The following DDC variants were observed in gnomAD, a reference collection of about 807,000 sequenced individuals.
DDC encodes dopa decarboxylase.
DDC carries 43 observed loss-of-function variants against 60.0 expected under a neutral mutation model. That is an observed-to-expected ratio of 0.72 (90% CI 0.56 to 0.92). The LOEUF is 0.92. DDC is among the 40% of genes least tolerant of loss of function. The pLI, the probability that DDC is intolerant of heterozygous loss-of-function variation, is 0.00. For missense variants in DDC, 573 were observed against 620.2 expected, an observed-to-expected ratio of 0.92 and a Z score of 0.81; for synonymous variants, 232 against 234.6, an observed-to-expected ratio of 0.99 and a Z score of 0.10.
At chr7:50,485,010 C>T (rs2042852099) in intron 9 of DDC, among the ~76,000 whole-genome samples, 1 of 152,130 alleles carries the variant, frequency 6.6e-6, no homozygotes, top group African/African-American at 2.4e-5. Flanking sequence ...GTTCTAGAAT[C>T]AAGTCTCAAC....
In DDC at chr7:50,460,046, G is replaced by A. The variant is rs536849518; in HGVS notation, c.*19-1203C>T. Reference sequence around the variant, plus strand: ...CTCTGCCCGGCCAGCTGCCCCGTCCGGGAAGGAGGTGGGGGGGGTCAGCCC... The same window carrying A: ...CTCTGCCCGGCCAGCTGCCCCGTCCAGGAAGGAGGTGGGGGGGGTCAGCCC... On this transcript the variant is annotated intron_variant, in intron 14 of 14. Coordinates refer to ENST00000444124, the MANE Select transcript of DDC (RefSeq NM_001082971.2). Among the ~76,000 whole-genome samples, 59 of 141,410 alleles carry A rather than the reference G, an allele frequency of 4.2e-4. 2 individuals carry two copies. The South Asian group carries it at 5.6e-3, about 13-fold the overall frequency. 92.8% of individuals were successfully genotyped at this position (141,410 alleles called of 152,430 possible).
chr7:50,511,367 G>A (rs1456573832), intron 6 of DDC, among the ~76,000 whole-genome samples: 1 of 152,032 alleles, frequency 6.6e-6, no homozygotes, highest in Middle Eastern at 3.4e-3. Flanking sequence ...AATATTTGAT[G>A]TAAAGAAAGA....
chr7:50,545,788 A>G (rs2044787039), intron 1 of DDC, among the ~76,000 whole-genome samples: 2 of 152,186 alleles, frequency 1.3e-5, no homozygotes, highest in African/African-American at 4.8e-5. Flanking sequence ...AATATTTTCT[A>G]TTTATGAGAG....
At chr7:50,527,897 C>T in intron 6 of DDC, 1 of 431,610 alleles carries the variant, frequency 2.3e-6, no homozygotes, top group Admixed American at 3.6e-5. Context: ...AAGCGTTTCT[C>T]AAAGATTAAT....
intron 13 of DDC, among the ~76,000 whole-genome samples, chr7:50,466,386 G>A (rs921349951): frequency 1.3e-5 from 2 of 148,978 alleles, no homozygotes; most frequent in Admixed American, 6.8e-5. Flanking sequence ...TCAAAAGGCT[G>A]AAGCAGGAGA....
chr7:50,495,667 T>C (rs1305299297), intron 8 of DDC, among the ~76,000 whole-genome samples: 1 of 152,152 alleles, frequency 6.6e-6, no homozygotes, highest in Non-Finnish European at 1.5e-5. Flanking sequence ...AGTTGATTTG[T>C]ATGTTTTGCT....
At chr7:50,548,842 G>T (rs764344554) in intron 1 of DDC, among the ~76,000 whole-genome samples, 6 of 152,232 alleles carry the variant, frequency 3.9e-5, no homozygotes, top group African/African-American at 4.8e-5. Flanking sequence ...GAGAGGAGAA[G>T]TCAATGCCCG....
intron 1 of DDC, among the ~76,000 whole-genome samples, chr7:50,548,365 T>C (rs1459598670): frequency 6.6e-6 from 1 of 152,192 alleles, no homozygotes; most frequent in African/African-American, 2.4e-5. Flanking sequence ...AGCCAAACAG[T>C]TATCCAGGCT....
intron 5 of DDC, among the ~76,000 whole-genome samples, chr7:50,528,725 G>C (rs2044110588): frequency 6.6e-6 from 1 of 152,110 alleles, no homozygotes; most frequent in Admixed American, 6.5e-5. Context: ...CAGCCAGGAG[G>C]CATCACCACT....
intron 6 of DDC, 48 bp from the exon 7 acceptor site, chr7:50,504,107 C>T (rs1248726632): frequency 7.4e-7 from 1 of 1,351,026 alleles, no homozygotes; most frequent in South Asian, 1.2e-5. Context: ...GTGCCAGTCA[C>T]CGCTGTAACC....
At chr7:50,539,789 C>T (rs933901459) in intron 3 of DDC, 126 bp downstream of exon 3, 2 of 721,814 alleles carry the variant, frequency 2.8e-6, no homozygotes, top group Non-Finnish European at 5.0e-6. Flanking sequence ...CTCCCTGCAA[C>T]AGTAGCCCGT....
At chr7:50,496,655 G>A (rs1352349770) in intron 8 of DDC, among the ~76,000 whole-genome samples, 3 of 152,168 alleles carry the variant, frequency 2.0e-5, no homozygotes, top group African/African-American at 7.2e-5. Context: ...AACAGGAACA[G>A]GGTCCACCTT....
chr7:50,517,086 C>T (rs2043753982), intron 6 of DDC, among the ~76,000 whole-genome samples: 2 of 152,126 alleles, frequency 1.3e-5, no homozygotes, highest in Admixed American at 1.3e-4. Context: ...CAGAATCACC[C>T]TAACACCAAA....
intron 6 of DDC, among the ~76,000 whole-genome samples, chr7:50,506,556 A>C (rs2198144): frequency 0.37 from 56,303 of 152,000 alleles, 10,703 homozygotes; most frequent in Admixed American, 0.44. Flanking sequence ...GCTCTAGGAA[A>C]CCCCTCTCCC....
intron 1 of DDC, among the ~76,000 whole-genome samples, chr7:50,562,758 C>A (rs1036676694): frequency 3.3e-5 from 5 of 152,236 alleles, no homozygotes; most frequent in Admixed American, 3.3e-4. Context: ...GGGCTACACA[C>A]CAGGGGGACA....
At chr7:50,528,675 G>A (rs1218526537) in intron 5 of DDC, among the ~76,000 whole-genome samples, 1 of 152,136 alleles carries the variant, frequency 6.6e-6, no homozygotes, top group Admixed American at 6.5e-5. Context: ...TGGGGAGCTT[G>A]GTGGCCAGGC....
chr7:50,499,002 T>A, intron 8 of DDC, 146 bp downstream of exon 8: 1 of 706,536 alleles, frequency 1.4e-6, no homozygotes, highest in Admixed American at 2.0e-5. Context: ...TCAGCCCCTA[T>A]TCTGAGGAAG....
intron 9 of DDC, among the ~76,000 whole-genome samples, chr7:50,482,533 C>G (rs1247235603): frequency 1.3e-5 from 2 of 152,180 alleles, no homozygotes; most frequent in Non-Finnish European, 2.9e-5. Context: ...TTACTTTACA[C>G]ACACACGTTG....
intron 6 of DDC, among the ~76,000 whole-genome samples, chr7:50,514,045 C>T (rs149071311): frequency 3.1e-4 from 47 of 152,286 alleles, no homozygotes; most frequent in African/African-American, 9.1e-4. Context: ...AAACCACCAA[C>T]GCTAAGAACC....
Sources: allele counts gnomAD v4.1 joint callset (sites outside exome capture counted in the v4.1 genomes callset), GRCh38; gene constraint gnomAD v4.1.1; transcripts MANE v1.5; gene names NCBI Gene and HGNC (gene_info 2026-07-23, HGNC 2026-07-21).